SEMA3A: variants seen among roughly 807,000 people sequenced by gnomAD.
SEMA3A encodes the protein semaphorin 3A.
In SEMA3A, 29 loss-of-function variants were observed where a neutral mutation model predicts 97.9. That is an observed-to-expected ratio of 0.30 (90% CI 0.22 to 0.40). The LOEUF is 0.40. SEMA3A is among the 10% of genes least tolerant of loss of function. The probability of loss-of-function intolerance (pLI) is 1.00; values close to 1 mark genes in which losing one functional copy is unlikely to be tolerated. For synonymous variants in SEMA3A, 321 were observed against 323.7 expected (o/e 0.99, Z 0.09); for missense variants, 763 against 951.3 (o/e 0.80, Z 2.60).
intron 2 of SEMA3A, among the ~76,000 whole-genome samples, chr7:84,347,891 G>A (rs1424771156): frequency 6.6e-6 from 1 of 152,160 alleles, no homozygotes; most frequent in Non-Finnish European, 1.5e-5. Context: ...CTTTCAGAGT[G>A]ATGGACATGT....
At position 84,037,197 on chromosome 7, in the gene SEMA3A, C is replaced by T. The variant is rs1030493386; in HGVS notation, c.667+9127G>A. On this transcript the variant is annotated intron_variant, in intron 6 of 16. Transcript: ENST00000265362. ...TTTCTCTTAAGGATTACCTGTTTTC[C>T]TACCCTACAGAATATGTAATAATTC... is the stretch of plus-strand genomic sequence containing the variant. 3.3e-5 allele frequency among the ~76,000 whole-genome samples: 5 copies of T among 151,338 alleles called. No homozygotes were observed. In the Admixed American group the frequency reaches 3.3e-4, roughly 10 times the overall value.
At chr7:84,480,994 G>A (rs1464041984) in intron 1 of SEMA3A, among the ~76,000 whole-genome samples, 1 of 152,162 alleles carries the variant, frequency 6.6e-6, no homozygotes, top group African/African-American at 2.4e-5. Flanking sequence ...TCTAAAGTTA[G>A]TAAGAAGCCT....
chr7:84,253,232 C>A (rs1482006484), intron 3 of SEMA3A, among the ~76,000 whole-genome samples: 1 of 152,054 alleles, frequency 6.6e-6, no homozygotes, highest in Admixed American at 6.6e-5. Flanking sequence ...AGCTATGTAA[C>A]TTTTTTATAA....
chr7:84,461,236 A>C (rs1258287326), intron 1 of SEMA3A, among the ~76,000 whole-genome samples: 3 of 152,182 alleles, frequency 2.0e-5, no homozygotes, highest in Non-Finnish European at 1.5e-5. Flanking sequence ...AGCAGTCTGC[A>C]GCTGCCTTAT....
chr7:84,435,318 T>C (rs567864506), intron 1 of SEMA3A, among the ~76,000 whole-genome samples: 1 of 152,052 alleles, frequency 6.6e-6, no homozygotes, highest in South Asian at 2.1e-4. Flanking sequence ...GTGAAAGATC[T>C]CTACGAGGAG....
chr7:83,995,239 C>A (rs914089103), intron 12 of SEMA3A, among the ~76,000 whole-genome samples: 10 of 152,104 alleles, frequency 6.6e-5, no homozygotes, highest in African/African-American at 2.4e-4. Context: ...TGAGATGAAC[C>A]CGGTACCTCA....
chr7:84,176,985 C>A (rs1309979015), intron 1 of SEMA3A, among the ~76,000 whole-genome samples: 2 of 152,080 alleles, frequency 1.3e-5, no homozygotes, highest in African/African-American at 2.4e-5. Context: ...TGTCAAGTTG[C>A]TTGGCAGTAT....
intron 13 of SEMA3A, among the ~76,000 whole-genome samples, chr7:83,984,608 C>CTTT (rs371082897): frequency 0.014 from 1,426 of 98,780 alleles, 44 homozygotes; most frequent in East Asian, 0.025. Context: ...GATTTTTCTG[C>CTTT]TTTTTTTTTT....
At chr7:84,489,658 G>A (rs1806668085) in intron 1 of SEMA3A, among the ~76,000 whole-genome samples, 1 of 152,126 alleles carries the variant, frequency 6.6e-6, no homozygotes, top group African/African-American at 2.4e-5. Flanking sequence ...GAAGCACTGT[G>A]CCCATTTTAC....
chr7:84,018,403 TCTGGA>T (rs2116432299), intron 6 of SEMA3A, among the ~76,000 whole-genome samples: 1 of 152,336 alleles, frequency 6.6e-6, no homozygotes, highest in South Asian at 2.1e-4. Flanking sequence ...TACTGTATAC[TCTGGA>T]TTGTGGAAGA....
intron 4 of SEMA3A, among the ~76,000 whole-genome samples, chr7:84,080,483 C>A (rs962075962): frequency 2.0e-5 from 3 of 151,202 alleles, no homozygotes; most frequent in African/African-American, 7.3e-5. Flanking sequence ...CATACTAAAT[C>A]TTTATTATAA....
intron 2 of SEMA3A, among the ~76,000 whole-genome samples, chr7:84,360,030 T>A (rs1244400737): frequency 6.6e-6 from 1 of 150,880 alleles, no homozygotes; most frequent in Non-Finnish European, 1.5e-5. Flanking sequence ...CTTCTCTCTT[T>A]TCTTCTTTAT....
At chr7:84,467,251 A>C (rs1297755821) in intron 1 of SEMA3A, among the ~76,000 whole-genome samples, 2 of 152,102 alleles carry the variant, frequency 1.3e-5, no homozygotes, top group Non-Finnish European at 2.9e-5. Flanking sequence ...GGCCGGGCGC[A>C]GTGCCTCATG....
chr7:84,469,268 T>C (rs1446664760), intron 1 of SEMA3A, among the ~76,000 whole-genome samples: 1 of 152,198 alleles, frequency 6.6e-6, no homozygotes, highest in African/African-American at 2.4e-5. Context: ...CATTCAACTG[T>C]AACCCTGTAT....
chr7:84,305,970 G>A (rs1801144434), intron 3 of SEMA3A, among the ~76,000 whole-genome samples: 1 of 151,430 alleles, frequency 6.6e-6, no homozygotes, highest in Admixed American at 6.6e-5. Flanking sequence ...GTGTATATAT[G>A]TATGTATAAA....
At chr7:84,029,528 T>C (rs1341041309) in intron 6 of SEMA3A, among the ~76,000 whole-genome samples, 6 of 152,184 alleles carry the variant, frequency 3.9e-5, no homozygotes, top group Admixed American at 2.6e-4. Context: ...ATTTATTCCT[T>C]CTTAACTGCA....
chr7:84,407,921 G>T (rs1454351442), intron 1 of SEMA3A, among the ~76,000 whole-genome samples: 1 of 152,140 alleles, frequency 6.6e-6, no homozygotes, highest in African/African-American at 2.4e-5. Flanking sequence ...TTACATGTTA[G>T]ACCTAAAACC....
At chr7:83,968,463 T>A (rs1286708134) in intron 15 of SEMA3A, among the ~76,000 whole-genome samples, 1 of 152,208 alleles carries the variant, frequency 6.6e-6, no homozygotes, top group East Asian at 1.9e-4. Context: ...TGGTTTTACT[T>A]TCTAGAAATT....
rs1411806909 is a variant in SEMA3A, at chr7:84,376,374, G to A, written c.-245-4474C>T. Among the ~76,000 whole-genome samples the A allele has an allele frequency of 5.2e-5, 6 of 115,246 alleles. 1 individual carries two copies. The highest frequency in any genetic ancestry group is 3.7e-4 in the East Asian group (1 of 2,682). 75.6% of individuals were successfully genotyped at this position (115,246 alleles called of 152,430 possible). ...TCCCAGCACTTTGGGAGGCCAAGGC[G>A]GGCGGATCACGAGGTCAGGAGATCG... On this transcript the variant is annotated intron_variant, in intron 1 of 3. Transcript: ENST00000424555.
Sources: allele counts gnomAD v4.1 joint callset (sites outside exome capture counted in the v4.1 genomes callset), GRCh38; gene constraint gnomAD v4.1.1; transcripts MANE v1.5; gene names NCBI Gene and HGNC (gene_info 2026-07-23, HGNC 2026-07-21).